KIAA0586: variants seen among roughly 807,000 people sequenced by gnomAD.
The protein encoded by KIAA0586 is KIAA0586.
KIAA0586 carries 144 observed loss-of-function variants against 169.8 expected under a neutral mutation model. The observed-to-expected ratio is 0.85, with a 90% confidence interval of 0.74 to 0.97. The LOEUF (loss-of-function observed/expected upper bound fraction) is 0.97. Ranked by LOEUF, KIAA0586 falls within the 50% of genes least tolerant of loss-of-function variation. The pLI is 0.00. For synonymous variants in KIAA0586, 625 were observed against 612.4 expected (o/e 1.02, Z -0.30); for missense variants, 1,854 against 1,823.0 (o/e 1.02, Z -0.31).
At chr14:58,510,669 C>T (rs1566922455) in intron 28 of KIAA0586, among the ~76,000 whole-genome samples, 3 of 152,086 alleles carry the variant, frequency 2.0e-5, no homozygotes, top group Non-Finnish European at 4.4e-5. Context: ...AAGACATGTA[C>T]GTGAATGTTC....
chr14:58,495,691 C>T (rs1595373602), intron 26 of KIAA0586, among the ~76,000 whole-genome samples: 2 of 151,952 alleles, frequency 1.3e-5, no homozygotes, highest in African/African-American at 4.8e-5. Flanking sequence ...AACATAAATC[C>T]TGAAGATCTA....
chr14:58,544,006 C>T (rs186020949), intron 30 of KIAA0586: 1 of 435,390 alleles, frequency 2.3e-6, no homozygotes, highest in Non-Finnish European at 4.6e-6. Context: ...TTTTCTGCTC[C>T]TCTTCTTCCT....
downstream of KIAA0586, among the ~76,000 whole-genome samples, chr14:58,554,109 G>A (rs1470788611): frequency 6.6e-6 from 1 of 152,178 alleles, no homozygotes; most frequent in Non-Finnish European, 1.5e-5. Context: ...ATGTTGATCT[G>A]AGAGTGCCTA....
chr14:58,467,729 T>G lies in KIAA0586; in HGVS notation c.2255-6T>G. On this transcript the variant is annotated splice_region_variant and splice_polypyrimidine_tract_variant and intron_variant, in intron 15 of 30. Transcript: ENST00000652326. ...GTTGACTTATTTTTTCTCCTAAACT[T>G]CTTAGGACAAACCCAAAGTAATAGT... The G allele has an allele frequency of 6.3e-7, 1 of 1,597,580 alleles. No individual in the cohort carries two copies. The highest frequency in any genetic ancestry group is 8.5e-7 in the Non-Finnish European group (1 of 1,173,520).
intron 26 of KIAA0586, 69 bp downstream of exon 26, chr14:58,492,344 C>T: frequency 1.4e-6 from 2 of 1,387,672 alleles, no homozygotes; most frequent in Non-Finnish European, 9.7e-7. Context: ...AATATTCTTA[C>T]TACTAGTTAA....
chr14:58,443,030 G>A, intron 5 of KIAA0586, 150 bp downstream of exon 5: 3 of 622,270 alleles, frequency 4.8e-6, no homozygotes, highest in African/African-American at 1.9e-5. Context: ...TTGTGGTTGT[G>A]TGTTACTTCT....
At position 58,450,694 on chromosome 14, in the gene KIAA0586, G is replaced by A. The variant is rs199623501; in HGVS notation, c.1077G>A (p.Lys359=). The A allele has an allele frequency of 1.9e-5, 30 of 1,609,680 alleles. No homozygotes were observed. The Admixed American group carries it at 3.0e-4, about 16-fold the overall frequency. ...TTTCAAGGGATGATGAACTATCAAAGAGGGAAAATCTTTTGGAAGAAAAAG... is the reference window on the plus strand; with the variant it reads ...TTTCAAGGGATGATGAACTATCAAAAAGGGAAAATCTTTTGGAAGAAAAAG... ...VPVSRDDELS[K]RENLLEEKEN... The change falls in exon 8 of 31, where the codon AAG becomes AAA. Residue 359 remains lysine (K), a synonymous_variant. Transcript: ENST00000652326.
At chr14:58,489,625 C>T (rs2042707463) in intron 24 of KIAA0586, among the ~76,000 whole-genome samples, 2 of 151,822 alleles carry the variant, frequency 1.3e-5, no homozygotes, top group South Asian at 4.2e-4. Context: ...TCTGTTTAAT[C>T]CCTTAATAGA....
chr14:58,517,035 A>C (rs1232156304), intron 29 of KIAA0586, among the ~76,000 whole-genome samples: 2 of 152,194 alleles, frequency 1.3e-5, no homozygotes, highest in African/African-American at 4.8e-5. Flanking sequence ...AAAACTACAA[A>C]ACTTCTAGAA....
rs1290912165 is a variant in KIAA0586 at position 58,444,150 on chromosome 14, TACA to T, written c.793_795del (p.Gln265del). 3.1e-6 allele frequency: 5 copies of T among 1,611,404 alleles called. No individual in the cohort carries two copies. Among genetic ancestry groups the T allele is most frequent in the Middle Eastern group, 1.7e-4 (1 of 6,056 alleles). The stretch of plus-strand genomic sequence containing the variant: ...CAGCACATAAGGCATCTTGAAAAGT[TACA>T]ACAACAACAAATAGATATTCAGGTA... On this transcript the variant is annotated inframe_deletion, in exon 6 of 31. Coordinates refer to ENST00000652326, the MANE Select transcript of KIAA0586 (RefSeq NM_001329943.3).
upstream of KIAA0586, chr14:58,427,468 G>T (rs2036911936): frequency 2.3e-6 from 2 of 867,028 alleles, no homozygotes; most frequent in South Asian, 3.3e-5. Context: ...AGTATTACAA[G>T]TCGGGAGCTC....
At position 58,444,110 on chromosome 14, in the gene KIAA0586, AATGTGTTTATGG is replaced by A; in HGVS notation, c.744_755del (p.Asn248_Glu252delinsLys). On this transcript the variant is annotated inframe_deletion, in exon 6 of 31. Coordinates refer to ENST00000652326, the MANE Select transcript of KIAA0586 (RefSeq NM_001329943.3). Reference sequence around the variant, plus strand: ...TTGTCATGATCACGAAAAGCAAATGAATGTGTTTATGGAGCAGCACATAAGGCATCTTGAAAA... The same window carrying A: ...TTGTCATGATCACGAAAAGCAAATGAAGCAGCACATAAGGCATCTTGAAAA... 2 of 1,613,768 alleles carry A rather than the reference AATGTGTTTATGG, an allele frequency of 1.2e-6. No homozygotes were observed. The highest frequency in any genetic ancestry group is 1.7e-6 in the Non-Finnish European group (2 of 1,179,750).
chr14:58,489,697 C>G (rs117801658), intron 24 of KIAA0586, among the ~76,000 whole-genome samples: 6 of 152,238 alleles, frequency 3.9e-5, no homozygotes, highest in Non-Finnish European at 7.4e-5. Flanking sequence ...ACCATCCTTT[C>G]ATGTATATAT....
At chr14:58,464,264 A>G (rs2040562619) in intron 14 of KIAA0586, 1 of 262,642 alleles carries the variant, frequency 3.8e-6, no homozygotes, top group Non-Finnish European at 7.4e-6. Context: ...GTGTGTAGAC[A>G]GGTTTTATAT....
Position 58,508,709 on chromosome 14 carries a change from G to C in KIAA0586, c.4323G>C (p.Gln1441His). Reference protein sequence around the residue: ...NLPVAAEDFSQYQLKQNQDVK... With the variant: ...NLPVAAEDFSHYQLKQNQDVK... The stretch of plus-strand genomic sequence containing the variant: ...CAGTAGCCGCTGAAGATTTTTCCCA[G>C]GTACCAAATTAATAGCACTTGTATT... Residue 1441 changes from glutamine (Q) to histidine (H), a missense_variant and splice_region_variant, in exon 28 of 31, where the codon CAG becomes CAC. Physicochemically the swap from Gln to His is conservative, Grantham distance 24. Coordinates refer to ENST00000652326, the MANE Select transcript of KIAA0586 (RefSeq NM_001329943.3). The C allele has an allele frequency of 6.3e-7, 1 of 1,578,372 alleles. No individual in the cohort carries two copies. The highest frequency in any genetic ancestry group is 1.2e-5 in the South Asian group (1 of 86,238).
intron 17 of KIAA0586, 34 bp downstream of exon 17, chr14:58,470,757 T>A (rs1436735744): frequency 2.9e-6 from 3 of 1,045,506 alleles, no homozygotes; most frequent in Non-Finnish European, 4.5e-6. Context: ...TTATTTTGAG[T>A]AATGTCTGAC....
intron 18 of KIAA0586, among the ~76,000 whole-genome samples, chr14:58,473,841 G>A (rs1027853431): frequency 1.3e-5 from 2 of 152,108 alleles, no homozygotes; most frequent in African/African-American, 4.8e-5. Context: ...AGGAGGTGGA[G>A]GTTGCAGTGA....
At chr14:58,450,967 G>T (rs1256844058) in intron 8 of KIAA0586, among the ~76,000 whole-genome samples, 1 of 148,536 alleles carries the variant, frequency 6.7e-6, no homozygotes, top group Non-Finnish European at 1.5e-5. Context: ...AACCTTTAAT[G>T]AACAAGTTTT....
chr14:58,496,971 A>G (rs930222384), intron 26 of KIAA0586, among the ~76,000 whole-genome samples: 3 of 104,942 alleles, frequency 2.9e-5, no homozygotes, highest in African/African-American at 1.1e-4. Context: ...TTTCATTTAA[A>G]ACAATTTTTT....
Sources: allele counts gnomAD v4.1 joint callset (sites outside exome capture counted in the v4.1 genomes callset), GRCh38; gene constraint gnomAD v4.1.1; transcripts MANE v1.5; gene names NCBI Gene and HGNC (gene_info 2026-07-23, HGNC 2026-07-21).